The following LYPLAL1 variants were observed in gnomAD, a reference collection of about 807,000 sequenced individuals.
The protein encoded by LYPLAL1 is lysophospholipase like 1, also known as lysophospholipase-like protein 1.
In LYPLAL1, 23 loss-of-function variants were observed where a neutral mutation model predicts 19.7. That is an observed-to-expected ratio of 1.17 (90% CI 0.84 to 1.65). The LOEUF is 1.65. Ranked by LOEUF, LYPLAL1 falls within the 40% of genes most tolerant of loss-of-function variation. LYPLAL1 has a pLI of 0.00. For missense variants in LYPLAL1, 355 were observed against 279.4 expected (o/e 1.27, Z -1.93); for synonymous variants, 119 against 96.3 (o/e 1.24, Z -1.38).
At chr1:219,241,124 CTCTCTCTCTCTA>C in the LYPLAL1 span, among the ~76,000 whole-genome samples, 60 of 93,384 alleles carry the variant, frequency 6.4e-4, no homozygotes, top group Admixed American at 2.3e-3. Context: ...CTCTCTCTCT[CTCTCTCTCTCTA>C]TATATATATA....
the LYPLAL1 span, among the ~76,000 whole-genome samples, chr1:219,356,890 T>G: frequency 6.6e-6 from 1 of 152,234 alleles, no homozygotes; most frequent in Non-Finnish European, 1.5e-5. Context: ...ATTTGTCATT[T>G]GGAACATTTT....
the LYPLAL1 span, among the ~76,000 whole-genome samples, chr1:219,319,022 C>CT: frequency 1.3e-5 from 2 of 152,008 alleles, no homozygotes; most frequent in East Asian, 1.9e-4. Flanking sequence ...TCGCAGTTAT[C>CT]TTTTTTTTCA....
rs947767413 is a variant in LYPLAL1, at chr1:219,196,616, T to C, written c.361+3365T>C. 1.1e-4 allele frequency among the ~76,000 whole-genome samples: 16 copies of C among 152,274 alleles called. 1 individual carries two copies. Among genetic ancestry groups the C allele is most frequent in the African/African-American group, 3.8e-4 (16 of 41,574 alleles). ...CAAAGATGCTCTCTCTCACCACTTCTATTCAACATAGTATTGGGAGTTCTG... is the reference window on the plus strand; with the variant it reads ...CAAAGATGCTCTCTCTCACCACTTCCATTCAACATAGTATTGGGAGTTCTG... On this transcript the variant is annotated intron_variant, in intron 3 of 4. Coordinates refer to ENST00000366928, the MANE Select transcript of LYPLAL1 (RefSeq NM_138794.5).
At chr1:219,384,743 G>T in the LYPLAL1 span, among the ~76,000 whole-genome samples, 1 of 152,072 alleles carries the variant, frequency 6.6e-6, no homozygotes, top group South Asian at 2.1e-4. Context: ...CTGTTTTATT[G>T]TCATAAAATA....
At chr1:219,218,559 C>T in the LYPLAL1 span, among the ~76,000 whole-genome samples, 2 of 151,256 alleles carry the variant, frequency 1.3e-5, no homozygotes, top group African/African-American at 4.9e-5. Context: ...TTTGTGTGGC[C>T]CAAGACAATC....
the LYPLAL1 span, among the ~76,000 whole-genome samples, chr1:219,339,925 T>C: frequency 6.6e-6 from 1 of 152,034 alleles, no homozygotes; most frequent in Non-Finnish European, 1.5e-5. Flanking sequence ...GAACTTGAGC[T>C]TCCTCTTCAC....
the LYPLAL1 span, among the ~76,000 whole-genome samples, chr1:219,330,614 T>C: frequency 6.6e-6 from 1 of 152,196 alleles, no homozygotes. Context: ...TTCAATTGTA[T>C]GCTAAGCTAA....
chr1:219,348,255 G>T, the LYPLAL1 span, among the ~76,000 whole-genome samples: 3 of 152,224 alleles, frequency 2.0e-5, no homozygotes, highest in Non-Finnish European at 4.4e-5. Context: ...TGGGCCAGTG[G>T]TCATTTCCAG....
the LYPLAL1 span, among the ~76,000 whole-genome samples, chr1:219,430,244 G>A: frequency 7.4e-6 from 1 of 135,636 alleles, no homozygotes; most frequent in East Asian, 2.3e-4. Flanking sequence ...ACAGAGAGTT[G>A]TGATCTTGCA....
the LYPLAL1 span, among the ~76,000 whole-genome samples, chr1:219,378,197 A>G: frequency 6.6e-6 from 1 of 152,190 alleles, no homozygotes; most frequent in Non-Finnish European, 1.5e-5. Context: ...TCATAAAGAC[A>G]TACCTGAGAC....
the LYPLAL1 span, among the ~76,000 whole-genome samples, chr1:219,234,846 T>C: frequency 2.6e-5 from 4 of 152,200 alleles, no homozygotes; most frequent in South Asian, 2.1e-4. Context: ...TAAGACAAGT[T>C]ATAATCGCAA....
chr1:219,430,822 G>A, the LYPLAL1 span, among the ~76,000 whole-genome samples: 5 of 152,062 alleles, frequency 3.3e-5, no homozygotes, highest in Admixed American at 6.6e-5. Context: ...CTATATCTAG[G>A]TGTAGTTTTT....
the LYPLAL1 span, among the ~76,000 whole-genome samples, chr1:219,312,343 T>C: frequency 6.6e-6 from 1 of 152,178 alleles, no homozygotes; most frequent in African/African-American, 2.4e-5. Flanking sequence ...CCTGTTTCTT[T>C]AGATCAAGCA....
At chr1:219,336,537 A>G in the LYPLAL1 span, among the ~76,000 whole-genome samples, 1 of 151,946 alleles carries the variant, frequency 6.6e-6, no homozygotes, top group African/African-American at 2.4e-5. Flanking sequence ...GCCATTGGGA[A>G]CACTGCAACT....
At chr1:219,199,637 T>TG (rs1288719620) in intron 3 of LYPLAL1, among the ~76,000 whole-genome samples, 1 of 147,514 alleles carries the variant, frequency 6.8e-6, no homozygotes, top group African/African-American at 2.5e-5. Flanking sequence ...TTTTTTGAGA[T>TG]GGAGTCTCAC....
At chr1:219,348,776 A>G in the LYPLAL1 span, among the ~76,000 whole-genome samples, 1 of 152,176 alleles carries the variant, frequency 6.6e-6, no homozygotes, top group Non-Finnish European at 1.5e-5. Flanking sequence ...TTTTTTCAAC[A>G]AATAATTGAT....
At chr1:219,274,642 C>T in the LYPLAL1 span, among the ~76,000 whole-genome samples, 4 of 152,166 alleles carry the variant, frequency 2.6e-5, no homozygotes, top group Admixed American at 6.5e-5. Flanking sequence ...CCTTGTCCTC[C>T]TAAAGTGCTT....
chr1:219,347,415 C>A, the LYPLAL1 span, among the ~76,000 whole-genome samples: 1 of 152,060 alleles, frequency 6.6e-6, no homozygotes, highest in Non-Finnish European at 1.5e-5. Flanking sequence ...AAGTCAGAAC[C>A]CTCCATATTT....
At chr1:219,254,077 T>C in the LYPLAL1 span, among the ~76,000 whole-genome samples, 2 of 152,066 alleles carry the variant, frequency 1.3e-5, no homozygotes, top group African/African-American at 4.8e-5. Context: ...TGAACTCTGT[T>C]TTGTCTGAAA....
Sources: allele counts gnomAD v4.1 joint callset (sites outside exome capture counted in the v4.1 genomes callset), GRCh38; gene constraint gnomAD v4.1.1; transcripts MANE v1.5; gene names NCBI Gene and HGNC (gene_info 2026-07-23, HGNC 2026-07-21).